Variants in SGO1 observed in about 807,000 individuals in gnomAD.
The protein encoded by SGO1 is serologically defined breast cancer antigen NY-BR-85.
A neutral mutation model predicts 50.5 loss-of-function variants in SGO1; 39 were observed. The observed-to-expected ratio is 0.77, with a 90% confidence interval of 0.60 to 1.01. The LOEUF is 1.01. Among genes scored for constraint, SGO1 ranks in the 50% least tolerant of loss-of-function variants. The probability of loss-of-function intolerance (pLI) is 0.00; values close to 1 mark genes in which losing one functional copy is unlikely to be tolerated. For synonymous variants in SGO1, 191 were observed against 205.1 expected (o/e 0.93, Z 0.59); for missense variants, 638 against 606.0 (o/e 1.05, Z -0.55).
Position 20,183,879 on chromosome 3 carries a change from C to T in SGO1, c.142+7G>A. 1 of 1,604,748 alleles carries T rather than the reference C, an allele frequency of 6.2e-7. No individual in the cohort carries two copies. On this transcript the variant is annotated splice_region_variant and intron_variant, in intron 2 of 7. Transcript: ENST00000412997. ...TGATATAAAAGGACAACATAAAAAT[C>T]TCTTACTGATTATTTGGCATGGTGC...
In SGO1 at chr3:20,169,620, C is replaced by T. The variant is rs897648822; in HGVS notation, c.*1084G>A. 1 of 984,622 alleles carries T rather than the reference C, an allele frequency of 1.0e-6. No individual in the cohort carries two copies. Among genetic ancestry groups the T allele is most frequent in the African/African-American group, 1.7e-5 (1 of 57,188 alleles). The allele number at this position is 984,622 out of a possible 1,614,324, so 61.0% of individuals were successfully genotyped here. ...CTTTCATTGGTTGGTCAAAAATATGCAAAAACCCTAAATATTCACACATTT... is the reference window on the plus strand; with the variant it reads ...CTTTCATTGGTTGGTCAAAAATATGTAAAAACCCTAAATATTCACACATTT... On this transcript the variant is annotated 3_prime_UTR_variant, in exon 8 of 8. Transcript: ENST00000412997.
intron 6 of SGO1, 53 bp downstream of exon 6, chr3:20,174,196 G>T: frequency 7.3e-7 from 1 of 1,364,160 alleles, no homozygotes; most frequent in Non-Finnish European, 1.0e-6. Context: ...AGCATCAGGA[G>T]TGATCATTTA....
downstream of SGO1, among the ~76,000 whole-genome samples, chr3:20,166,061 A>AC (rs1047707666): frequency 3.6e-4 from 55 of 152,192 alleles, no homozygotes; most frequent in Non-Finnish European, 7.3e-4. Context: ...TCAAACAAAA[A>AC]AAAAGTTAGC....
At chr3:20,185,284 T>C (rs1702508166) in intron 1 of SGO1, among the ~76,000 whole-genome samples, 1 of 152,218 alleles carries the variant, frequency 6.6e-6, no homozygotes, top group African/African-American at 2.4e-5. Context: ...TCTAGTTTAG[T>C]TAAGGTATTT....
intron 8 of SGO1, among the ~76,000 whole-genome samples, chr3:20,161,599 A>G (rs1274139888): frequency 1.3e-5 from 2 of 152,150 alleles, no homozygotes; most frequent in South Asian, 2.1e-4. Flanking sequence ...AGGGCAGAAT[A>G]TTGGTTTTGG....
rs1701212982 is a variant in SGO1, at chr3:20,174,965, A to G, written c.566T>C (p.Val189Ala). 1.2e-6 allele frequency: 2 copies of G among 1,613,958 alleles called. No individual in the cohort carries two copies. The highest frequency in any genetic ancestry group is 1.7e-6 in the Non-Finnish European group (2 of 1,179,916). The change falls in exon 6 of 8, where the codon GTA (valine) becomes GCA (alanine). Residue 189 changes from valine to alanine, a missense_variant. Transcript: ENST00000412997. ...KSTDNVLPRT[V>A]SVRSSLKKHC... The stretch of plus-strand genomic sequence containing the variant: ...TTTCTTTAAACTGCTACGAACAGAT[A>G]CAGTTCTAGGTAAGACATTATCAGT...
intron 6 of SGO1, 101 bp from the exon 7 acceptor site, chr3:20,171,333 G>T: frequency 1.0e-6 from 1 of 974,964 alleles, no homozygotes; most frequent in Non-Finnish European, 1.4e-6. Context: ...ACAAAATCCA[G>T]CATTTAATAA....
intron 3 of SGO1, among the ~76,000 whole-genome samples, chr3:20,182,614 C>T (rs1308395873): frequency 6.6e-6 from 1 of 152,094 alleles, no homozygotes; most frequent in Non-Finnish European, 1.5e-5. Flanking sequence ...AATGGTATAG[C>T]CAGACACAAA....
At chr3:20,185,905 C>A (rs1206776553) in intron 1 of SGO1, 43 bp downstream of exon 1, 1 of 152,122 alleles carries the variant, frequency 6.6e-6, no homozygotes, top group Non-Finnish European at 1.5e-5. Flanking sequence ...TACTGAAAAC[C>A]GAAGGGAAGT....
At chr3:20,186,455 T>G (rs1702683496), upstream of SGO1, 1 of 151,908 alleles carries the variant, frequency 6.6e-6, no homozygotes. Flanking sequence ...CTCCGAAACC[T>G]TTAAGGCCGA....
chr3:20,178,165 AC>A (rs1701611184), intron 4 of SGO1, 105 bp downstream of exon 4: 2 of 792,574 alleles, frequency 2.5e-6, no homozygotes, highest in Non-Finnish European at 4.2e-6. Flanking sequence ...AAAGCAACAG[AC>A]TACAAATATA....
chr3:20,161,139 T>C, exon 9 of SGO1: 1 of 1,613,848 alleles, frequency 6.2e-7, no homozygotes. Context: ...AAGTTTACAT[T>C]TCCTACAGTC....
chr3:20,175,072 T>C lies in SGO1; in HGVS notation c.476-17A>G, dbSNP rs1178424451. On this transcript the variant is annotated splice_polypyrimidine_tract_variant and intron_variant, in intron 5 of 7. Coordinates refer to ENST00000412997, the MANE Select transcript of SGO1 (RefSeq NM_001199251.3). ...GTATCTGATCTGAGAATTTAAAAAATAAATGAGAAAAGTAGTTTTACTTTG... is the reference window on the plus strand; with the variant it reads ...GTATCTGATCTGAGAATTTAAAAAACAAATGAGAAAAGTAGTTTTACTTTG... 1 of 1,390,026 alleles carries C rather than the reference T, an allele frequency of 7.2e-7. No individual in the cohort carries two copies. The highest frequency in any genetic ancestry group is 9.4e-7 in the Non-Finnish European group (1 of 1,064,408). The allele number at this position is 1,390,026 out of a possible 1,614,324, so 86.1% of individuals were successfully genotyped here.
chr3:20,164,760 A>C (rs190864666), downstream of SGO1, among the ~76,000 whole-genome samples: 2 of 151,532 alleles, frequency 1.3e-5, no homozygotes, highest in East Asian at 3.9e-4. Context: ...TGTATTCCAT[A>C]AACTAGCAGC....
At chr3:20,186,613 T>C (rs751681324), upstream of SGO1, 1 of 152,234 alleles carries the variant, frequency 6.6e-6, no homozygotes, top group Non-Finnish European at 1.5e-5. Context: ...AAGCAGCTTT[T>C]AGAGGAATTA....
downstream of SGO1, among the ~76,000 whole-genome samples, chr3:20,166,628 GGAA>G (rs547352211): frequency 1.8e-3 from 273 of 151,984 alleles, 3 homozygotes; most frequent in African/African-American, 5.1e-3. Context: ...TTTTAGTTTG[GGAA>G]GAAGAAGTAG....
At position 20,170,399 on chromosome 3, in the gene SGO1, CAAA is replaced by C. The variant is rs574515660; in HGVS notation, c.*302_*304del. The C allele has an allele frequency of 1.1e-4, 83 of 735,182 alleles. No individual in the cohort carries two copies. Among genetic ancestry groups the C allele is most frequent in the African/African-American group, 2.2e-4 (8 of 36,768 alleles). 45.5% of individuals were successfully genotyped at this position (735,182 alleles called of 1,614,324 possible). A position where few individuals can be genotyped will look rare whatever the true frequency, so the allele number is the denominator to read the frequency against. On this transcript the variant is annotated 3_prime_UTR_variant, in exon 8 of 8. Coordinates refer to ENST00000412997, the MANE Select transcript of SGO1 (RefSeq NM_001199251.3). ...GGCAACAAGAATGAAATTCCGCCTC[CAAA>C]AAAAAAAAAAGATATATTTCGACTA...
At chr3:20,175,098 T>C (rs764136482) in intron 5 of SGO1, 43 bp from the exon 6 acceptor site, 1 of 1,363,094 alleles carries the variant, frequency 7.3e-7, no homozygotes, top group Non-Finnish European at 9.5e-7. Context: ...TTTTACTTTG[T>C]GGAAATTTGA....
chr3:20,182,989 G>A (rs1702199488), intron 3 of SGO1, among the ~76,000 whole-genome samples: 1 of 151,870 alleles, frequency 6.6e-6, no homozygotes, highest in South Asian at 2.1e-4. Flanking sequence ...CTGCACTCTA[G>A]CCTGGGCGAC....
Sources: allele counts gnomAD v4.1 joint callset (sites outside exome capture counted in the v4.1 genomes callset), GRCh38; gene constraint gnomAD v4.1.1; transcripts MANE v1.5; gene names NCBI Gene and HGNC (gene_info 2026-07-23, HGNC 2026-07-21).